Variants in NELL1 observed in about 807,000 individuals in gnomAD.
The protein encoded by NELL1 is neural EGFL like 1.
A neutral mutation model predicts 107.4 loss-of-function variants in NELL1; 76 were observed. The observed-to-expected ratio is 0.71, with a 90% confidence interval of 0.59 to 0.86. The LOEUF (loss-of-function observed/expected upper bound fraction) is 0.86, where lower values mean the gene tolerates loss of function less well. NELL1 is among the 40% of genes least tolerant of loss of function. NELL1 has a pLI of 0.00. For missense variants in NELL1, 1,024 were observed against 1,005.5 expected, an observed-to-expected ratio of 1.02 and a Z score of -0.25; for synonymous variants, 353 against 341.2, an observed-to-expected ratio of 1.03 and a Z score of -0.38.
intron 1 of NELL1, 72 bp from the exon 2 acceptor site, chr11:20,677,860 C>T (rs996424549): frequency 1.3e-6 from 2 of 1,579,684 alleles, no homozygotes; most frequent in Non-Finnish European, 1.7e-6. Context: ...CTGCCACTCC[C>T]CGACTCTGTA....
At chr11:20,896,783 G>A (rs1319933726) in intron 5 of NELL1, among the ~76,000 whole-genome samples, 2 of 152,084 alleles carry the variant, frequency 1.3e-5, no homozygotes, top group Non-Finnish European at 2.9e-5. Flanking sequence ...CAAACAGAGA[G>A]CCAAATCATG....
intron 15 of NELL1, among the ~76,000 whole-genome samples, chr11:21,451,402 G>C (rs1853582219): frequency 6.6e-6 from 1 of 152,036 alleles, no homozygotes; most frequent in Non-Finnish European, 1.5e-5. Flanking sequence ...AAACTATTAA[G>C]TGTTAGATTT....
Position 21,117,021 on chromosome 11 carries a change from C to T in NELL1, c.1426+3307C>T, listed in dbSNP as rs79210662. ...TGTCTTTTACCGTTTCTTTCCTTGTCCATTATGACATGGCCATGCTGACCT... is the reference window on the plus strand; with the variant it reads ...TGTCTTTTACCGTTTCTTTCCTTGTTCATTATGACATGGCCATGCTGACCT... On this transcript the variant is annotated intron_variant, in intron 13 of 19. Coordinates refer to ENST00000357134, the MANE Select transcript of NELL1 (RefSeq NM_006157.5). Among the ~76,000 whole-genome samples, 450 of 152,032 alleles carry T rather than the reference C, an allele frequency of 3.0e-3. 4 individuals carry two copies. Among genetic ancestry groups the T allele is most frequent in the African/African-American group, 0.01 (431 of 41,522 alleles).
chr11:21,471,936 C>T (rs1172450819), intron 15 of NELL1, among the ~76,000 whole-genome samples: 2 of 152,046 alleles, frequency 1.3e-5, no homozygotes, highest in South Asian at 2.1e-4. Flanking sequence ...TTTCACATTA[C>T]ATATTGACTC....
intron 14 of NELL1, among the ~76,000 whole-genome samples, chr11:21,332,322 C>T (rs1850290113): frequency 6.6e-6 from 1 of 151,898 alleles, no homozygotes; most frequent in South Asian, 2.1e-4. Flanking sequence ...CCCTTAATTC[C>T]AGTCACCTTG....
chr11:21,419,334 G>GA (rs1286161141), intron 15 of NELL1, among the ~76,000 whole-genome samples: 1 of 151,666 alleles, frequency 6.6e-6, no homozygotes, highest in Non-Finnish European at 1.5e-5. Context: ...TATTAAATTG[G>GA]AAAAAAAATT....
At chr11:21,144,046 A>T (rs1036590982) in intron 13 of NELL1, among the ~76,000 whole-genome samples, 3 of 152,230 alleles carry the variant, frequency 2.0e-5, no homozygotes, top group Non-Finnish European at 2.9e-5. Flanking sequence ...TTTGGAAGGA[A>T]AAACACACAT....
At chr11:21,332,532 G>T (rs1590844584) in intron 14 of NELL1, among the ~76,000 whole-genome samples, 1 of 151,982 alleles carries the variant, frequency 6.6e-6, no homozygotes, top group African/African-American at 2.4e-5. Flanking sequence ...GAAAACAGTT[G>T]TTTTATATAT....
intron 2 of NELL1, among the ~76,000 whole-genome samples, chr11:20,684,019 CTTTTT>C (rs34913687): frequency 1.5e-5 from 2 of 131,272 alleles, no homozygotes; most frequent in African/African-American, 5.6e-5. Flanking sequence ...TCTGTTCGTT[CTTTTT>C]TTTTTTTTTC....
intron 15 of NELL1, among the ~76,000 whole-genome samples, chr11:21,403,204 G>A (rs952268502): frequency 1.3e-5 from 2 of 151,658 alleles, no homozygotes; most frequent in Non-Finnish European, 2.9e-5. Flanking sequence ...AATCTTTACT[G>A]TATTGAAGGG....
At chr11:20,737,941 A>T (rs1204867588) in intron 2 of NELL1, among the ~76,000 whole-genome samples, 3 of 150,178 alleles carry the variant, frequency 2.0e-5, no homozygotes, top group South Asian at 2.1e-4. Flanking sequence ...GTTTAATGTT[A>T]TTCTTCCATA....
At chr11:21,061,771 G>A (rs1853747846) in intron 12 of NELL1, among the ~76,000 whole-genome samples, 1 of 152,162 alleles carries the variant, frequency 6.6e-6, no homozygotes, top group South Asian at 2.1e-4. Flanking sequence ...CCAGAGAACT[G>A]GAGGTGGGAG....
chr11:21,175,510 CTTAAT>C (rs1461289608), intron 13 of NELL1, among the ~76,000 whole-genome samples: 1 of 151,618 alleles, frequency 6.6e-6, no homozygotes, highest in African/African-American at 2.4e-5. Flanking sequence ...AGAAAATATC[CTTAAT>C]TGGTCCAATT....
intron 4 of NELL1, among the ~76,000 whole-genome samples, chr11:20,865,340 C>G (rs986540123): frequency 6.6e-6 from 1 of 152,180 alleles, no homozygotes; most frequent in Non-Finnish European, 1.5e-5. Context: ...CTAGGATTAA[C>G]CAAAATGTCA....
intron 14 of NELL1, among the ~76,000 whole-genome samples, chr11:21,342,754 G>A (rs1376908665): frequency 1.3e-5 from 2 of 151,956 alleles, no homozygotes; most frequent in Non-Finnish European, 2.9e-5. Context: ...TAGTATGCAT[G>A]TGAGGAACTT....
intron 14 of NELL1, among the ~76,000 whole-genome samples, chr11:21,292,136 G>A (rs1849278536): frequency 6.6e-6 from 1 of 152,114 alleles, no homozygotes; most frequent in Non-Finnish European, 1.5e-5. Flanking sequence ...AAGTCAAATT[G>A]TCTCTGTTTG....
intron 12 of NELL1, among the ~76,000 whole-genome samples, chr11:21,062,137 T>TTGAGA (rs1299783242): frequency 1.3e-5 from 2 of 152,206 alleles, no homozygotes; most frequent in Admixed American, 1.3e-4. Context: ...TTAGTCGAAT[T>TTGAGA]TGAGATGTGT....
At chr11:21,450,816 TTC>T (rs1163659911) in intron 15 of NELL1, among the ~76,000 whole-genome samples, 2 of 152,164 alleles carry the variant, frequency 1.3e-5, no homozygotes, top group African/African-American at 4.8e-5. Context: ...TAATATTTTT[TTC>T]TGTTTTTTTA....
chr11:21,101,790 G>T (rs995672878), intron 12 of NELL1, among the ~76,000 whole-genome samples: 6 of 152,120 alleles, frequency 3.9e-5, no homozygotes, highest in African/African-American at 9.7e-5. Flanking sequence ...TCTGTAGGTT[G>T]CCTGTTCACT....
Sources: allele counts gnomAD v4.1 joint callset (sites outside exome capture counted in the v4.1 genomes callset), GRCh38; gene constraint gnomAD v4.1.1; transcripts MANE v1.5; gene names NCBI Gene and HGNC (gene_info 2026-07-23, HGNC 2026-07-21).